TNNT1: variants seen among roughly 807,000 people sequenced by gnomAD.
TNNT1 encodes the protein troponin T1, slow skeletal type.
A neutral mutation model predicts 50.6 loss-of-function variants in TNNT1; 53 were observed. The observed-to-expected ratio is 1.05, with a 90% CI of 0.84 to 1.32. TNNT1 has a LOEUF of 1.32. TNNT1 is among the 40% of genes most tolerant of loss of function. The probability of loss-of-function intolerance (pLI) is 0.00; values close to 1 mark genes in which losing one functional copy is unlikely to be tolerated. For synonymous variants in TNNT1, 142 were observed against 138.0 expected, an observed-to-expected ratio of 1.03 and a Z score of -0.20; for missense variants, 348 against 381.7, an observed-to-expected ratio of 0.91 and a Z score of 0.74.
chr19:55,146,149 G>A (rs978741203), intron 5 of TNNT1, among the ~76,000 whole-genome samples: 1 of 152,070 alleles, frequency 6.6e-6, no homozygotes, highest in Non-Finnish European at 1.5e-5. Flanking sequence ...GTGCTTCTCC[G>A]CAAACATCCA....
At chr19:55,148,664 C>G (rs2085624631) in intron 1 of TNNT1, among the ~76,000 whole-genome samples, 10 of 152,180 alleles carry the variant, frequency 6.6e-5, no homozygotes, top group Admixed American at 5.9e-4. Context: ...GATACCCAAA[C>G]TCGGAGGCCC....
In TNNT1 at chr19:55,135,824, C is replaced by T. The variant is rs1711561843; in HGVS notation, c.611+1279G>A. On this transcript the variant is annotated intron_variant, in intron 11 of 13. Coordinates refer to ENST00000588981, the MANE Select transcript of TNNT1 (RefSeq NM_003283.6). ...GTGTGAGCCGCCGCGCCCGCCCGGC[C>T]AACAATACTTTACATGAACCATGTG... Among the ~76,000 whole-genome samples, 3 of 151,980 alleles carry T rather than the reference C, an allele frequency of 2.0e-5. No homozygotes were observed. In the South Asian group the frequency reaches 6.2e-4, roughly 31 times the overall value.
At chr19:55,145,855 C>T (rs994816813) in intron 5 of TNNT1, among the ~76,000 whole-genome samples, 2 of 151,648 alleles carry the variant, frequency 1.3e-5, no homozygotes, top group Non-Finnish European at 1.5e-5. Flanking sequence ...AACCCCCAGA[C>T]CTTTCTCTAT....
At chr19:55,143,502 GTGA>G (rs1437185740) in intron 6 of TNNT1, among the ~76,000 whole-genome samples, 2 of 152,154 alleles carry the variant, frequency 1.3e-5, no homozygotes, top group Non-Finnish European at 2.9e-5. Flanking sequence ...GAGGGAAGAG[GTGA>G]GGACAATCCC....
At chr19:55,140,228 A>G (rs2085425709) in intron 9 of TNNT1, among the ~76,000 whole-genome samples, 1 of 151,722 alleles carries the variant, frequency 6.6e-6, no homozygotes, top group South Asian at 2.1e-4. Context: ...GGGAGGTGAA[A>G]GCAGGTGGAT....
intron 6 of TNNT1, chr19:55,145,295 C>A: frequency 1.8e-6 from 1 of 555,730 alleles, no homozygotes. Context: ...AGACTATGAC[C>A]ACGATGAAGA....
intron 9 of TNNT1, among the ~76,000 whole-genome samples, chr19:55,139,376 C>T (rs1568840793): frequency 6.6e-6 from 1 of 152,198 alleles, no homozygotes; most frequent in Non-Finnish European, 1.5e-5. Flanking sequence ...TACAGCTCTG[C>T]AGATCAGACA....
Position 55,147,007 on chromosome 19 carries a change from C to A in TNNT1, c.46+1G>T. ...ATAGGGCCGGCCCACTCCCTACTCACCTTCCGGCTGCTCCCTGCGGACGGG... is the reference window on the plus strand; with the variant it reads ...ATAGGGCCGGCCCACTCCCTACTCAACTTCCGGCTGCTCCCTGCGGACGGG... On this transcript the variant is annotated splice_donor_variant, in intron 3 of 13. Coordinates refer to ENST00000588981, the MANE Select transcript of TNNT1 (RefSeq NM_003283.6). LOFTEE classifies it high-confidence loss of function. 1 of 1,609,978 alleles carries A rather than the reference C, an allele frequency of 6.2e-7. No individual in the cohort carries two copies.
intron 9 of TNNT1, among the ~76,000 whole-genome samples, chr19:55,140,142 TA>T (rs544765660): frequency 6.7e-5 from 9 of 135,010 alleles, no homozygotes; most frequent in Admixed American, 1.5e-4. Context: ...AAATTAAAAT[TA>T]AAAAAAAAGG....
At position 55,133,884 on chromosome 19, in the gene TNNT1, C is replaced by T. The variant is rs780998319; in HGVS notation, c.791+3G>A. On this transcript the variant is annotated splice_donor_region_variant and intron_variant, in intron 13 of 13. Transcript: ENST00000588981. ...AGCAAGGGCTTGAGACGGTCACACT[C>T]ACAACTTCTGGGCGTGGCTGATGCG... The T allele has an allele frequency of 1.2e-6, 2 of 1,613,688 alleles. No homozygotes were observed. Among genetic ancestry groups the T allele is most frequent in the African/African-American group, 1.3e-5 (1 of 74,860 alleles).
chr19:55,133,452 G>T (rs1398875537), intron 13 of TNNT1: 2 of 301,704 alleles, frequency 6.6e-6, no homozygotes, highest in Admixed American at 9.8e-5. Context: ...GGCCAAGGCG[G>T]GTGGATCACG....
intron 6 of TNNT1, among the ~76,000 whole-genome samples, chr19:55,144,059 CCCACCCCA>C: frequency 6.8e-6 from 1 of 147,518 alleles, no homozygotes; most frequent in African/African-American, 2.5e-5. Context: ...ATTCCCCCAC[CCCACCCCA>C]CCCCCTTTTT....
rs553916636 is a variant in TNNT1 at position 55,148,729 on chromosome 19, T to C, written c.-12+432A>G. On this transcript the variant is annotated intron_variant, in intron 1 of 13. Transcript: ENST00000588981. ...TAAGTTTTCATGCTTTCTATCATAA[T>C]GTCTCAGATTCCGAGCCCTCCACTA... Among the ~76,000 whole-genome samples the C allele has an allele frequency of 6.6e-5, 10 of 152,142 alleles. 1 individual carries two copies. The South Asian group carries it at 2.1e-3, about 32-fold the overall frequency.
In TNNT1 at chr19:55,137,191, G is replaced by A. The variant is rs780372739; in HGVS notation, c.523C>T (p.Arg175Trp). 5.6e-6 allele frequency: 9 copies of A among 1,612,108 alleles called. No homozygotes were observed. The highest frequency in any genetic ancestry group is 6.8e-6 in the Non-Finnish European group (8 of 1,178,998). Residue 175 changes from arginine to tryptophan, a missense_variant, in exon 11 of 14, where the codon CGG becomes TGG. Physicochemically the swap from Arg to Trp is moderately radical, Grantham distance 101. Around this residue, in one of 3 missense-constraint regions of TNNT1, gnomAD observed 253 missense variants for 291.8 expected, o/e 0.87. Coordinates refer to ENST00000588981, the MANE Select transcript of TNNT1 (RefSeq NM_003283.6). ...LVKAEQKRGKRQTGREMKVRI... is the reference protein window; with the variant it reads ...LVKAEQKRGKWQTGREMKVRI... ...ACCTTCATCTCCCGCCCCGTCTGCC[G>A]CTTACCACGCTTCTGTTCTGCCTGA...
At chr19:55,146,512 G>A (rs968269118) in intron 4 of TNNT1, 46 bp from the exon 5 acceptor site, 1 of 1,227,368 alleles carries the variant, frequency 8.1e-7, no homozygotes, top group African/African-American at 1.6e-5. Flanking sequence ...GAGCGAGGGG[G>A]GAGCGGCCAC....
At chr19:55,144,362 G>T (rs925407921) in intron 6 of TNNT1, among the ~76,000 whole-genome samples, 3 of 151,860 alleles carry the variant, frequency 2.0e-5, no homozygotes, top group Non-Finnish European at 4.4e-5. Flanking sequence ...GAACCACTGC[G>T]CCCGGCCCCA....
intron 6 of TNNT1, 157 bp downstream of exon 6, chr19:55,145,387 G>T: frequency 1.4e-6 from 1 of 690,442 alleles, no homozygotes; most frequent in South Asian, 1.7e-5. Context: ...GAGGAGGGAG[G>T]AGGGAAAGGG....
intron 6 of TNNT1, among the ~76,000 whole-genome samples, chr19:55,144,074 T>TCCC (rs2085505818): frequency 7.1e-6 from 1 of 139,996 alleles, no homozygotes; most frequent in Non-Finnish European, 1.5e-5. Context: ...CCCACCCCCT[T>TCCC]TTTTTTTTTT....
Position 55,138,089 on chromosome 19 carries a change from G to C in TNNT1, c.388-15C>G. Reference sequence around the variant, plus strand: ...ATCTTCTCCTCCTGTGGGAAGTAAGGGGTTAACCTCATGGACTCCCCTGTA... The same window carrying C: ...ATCTTCTCCTCCTGTGGGAAGTAAGCGGTTAACCTCATGGACTCCCCTGTA... On this transcript the variant is annotated splice_polypyrimidine_tract_variant and intron_variant, in intron 9 of 13. Transcript: ENST00000588981. 4.3e-6 allele frequency: 7 copies of C among 1,614,056 alleles called. No homozygotes were observed. The highest frequency in any genetic ancestry group is 5.1e-6 in the Non-Finnish European group (6 of 1,180,000).
Sources: gnomAD v4.1 joint callset for allele counts (sites outside exome capture counted in the v4.1 genomes callset) on GRCh38, gnomAD v4.1.1 for gene constraint, gnomAD v4.1.1 regional missense constraint, MANE v1.5 for transcripts, NCBI Gene and HGNC (gene_info 2026-07-23, HGNC 2026-07-21) for gene names.